CAMK2D: variants seen among roughly 807,000 people sequenced by gnomAD.
The protein encoded by CAMK2D is calcium/calmodulin dependent protein kinase II delta.
In CAMK2D, 37 loss-of-function variants were observed where a neutral mutation model predicts 84.0. The ratio of observed to expected loss-of-function variants is 0.44; its 90% CI spans 0.34 to 0.58. The LOEUF (loss-of-function observed/expected upper bound fraction) is 0.58, where lower values mean the gene tolerates loss of function less well. CAMK2D is among the 20% of genes least tolerant of loss of function. The pLI is 0.02. For synonymous variants in CAMK2D, 202 were observed against 212.5 expected (o/e 0.95, Z 0.43); for missense variants, 448 against 652.5 (o/e 0.69, Z 3.41).
intron 3 of CAMK2D, among the ~76,000 whole-genome samples, chr4:113,648,361 T>A (rs17593100): frequency 6.6e-6 from 1 of 152,190 alleles, no homozygotes; most frequent in Non-Finnish European, 1.5e-5. Flanking sequence ...AGCATTTTCA[T>A]CATTCTGTCT....
intron 18 of CAMK2D, among the ~76,000 whole-genome samples, chr4:113,459,176 C>A (rs1210489411): frequency 6.6e-6 from 1 of 152,020 alleles, no homozygotes; most frequent in Non-Finnish European, 1.5e-5. Flanking sequence ...AATATTTTGG[C>A]ATGGTGTGGT....
rs2099641398 is a variant in CAMK2D at position 113,761,531 on chromosome 4, G to A, written c.-463C>T. Reference sequence around the variant, plus strand: ...CGGAGGTGGAGTGCAGCGGGGCCGAGGCCGCGGAGCCCAGAGCGGACAGCC... The same window carrying A: ...CGGAGGTGGAGTGCAGCGGGGCCGAAGCCGCGGAGCCCAGAGCGGACAGCC... On this transcript the variant is annotated 5_prime_UTR_variant, in exon 1 of 21. Transcript: ENST00000511664. 4 of 1,004,770 alleles carry A rather than the reference G, an allele frequency of 4.0e-6. No homozygotes were observed. The highest frequency in any genetic ancestry group is 4.1e-5 in the South Asian group (1 of 24,164). The allele number at this position is 1,004,770 out of a possible 1,614,324, so 62.2% of individuals were successfully genotyped here.
chr4:113,598,177 GAACA>G (rs1389436493), intron 4 of CAMK2D, among the ~76,000 whole-genome samples: 2 of 152,072 alleles, frequency 1.3e-5, no homozygotes, highest in Non-Finnish European at 1.5e-5. Context: ...ATTGGCAAAA[GAACA>G]AACAAAGAGA....
chr4:113,521,254 C>G (rs2098355021), intron 8 of CAMK2D, among the ~76,000 whole-genome samples: 1 of 152,082 alleles, frequency 6.6e-6, no homozygotes, highest in African/African-American at 2.4e-5. Flanking sequence ...ATTATCAATT[C>G]CTGGATTTAA....
chr4:113,473,223 G>T (rs2097567918), intron 16 of CAMK2D, among the ~76,000 whole-genome samples: 1 of 152,128 alleles, frequency 6.6e-6, no homozygotes, highest in Non-Finnish European at 1.5e-5. Context: ...TGGTTTTATT[G>T]TCTTTTTCCA....
intron 2 of CAMK2D, among the ~76,000 whole-genome samples, chr4:113,665,262 G>A (rs981971106): frequency 6.6e-6 from 1 of 152,300 alleles, no homozygotes; most frequent in Middle Eastern, 3.4e-3. Flanking sequence ...CAAACATGAT[G>A]ATATAAGTAA....
chr4:113,728,973 C>T (rs1020712418), intron 2 of CAMK2D, among the ~76,000 whole-genome samples: 1 of 152,092 alleles, frequency 6.6e-6, no homozygotes, highest in African/African-American at 2.4e-5. Context: ...TAATTTCTTG[C>T]CACAGTAGTT....
chr4:113,488,581 G>A (rs1184707181), intron 16 of CAMK2D, among the ~76,000 whole-genome samples: 2 of 152,154 alleles, frequency 1.3e-5, no homozygotes, highest in Admixed American at 1.3e-4. Context: ...CTGATTGATA[G>A]CTCAATCAAA....
chr4:113,693,997 A>C (rs920855360), intron 2 of CAMK2D, among the ~76,000 whole-genome samples: 1 of 152,134 alleles, frequency 6.6e-6, no homozygotes, highest in African/African-American at 2.4e-5. Context: ...CCAAGCAAAA[A>C]CCAAAACACT....
intron 14 of CAMK2D, among the ~76,000 whole-genome samples, chr4:113,504,737 C>T (rs540168038): frequency 2.7e-5 from 4 of 150,030 alleles, no homozygotes; most frequent in South Asian, 4.2e-4. Context: ...TGTTCAACAA[C>T]GAAATGAGAT....
intron 3 of CAMK2D, among the ~76,000 whole-genome samples, chr4:113,647,841 T>C (rs2099157828): frequency 6.6e-6 from 1 of 152,202 alleles, no homozygotes; most frequent in Non-Finnish European, 1.5e-5. Flanking sequence ...CAGATTTATA[T>C]AAGAAATATC....
At chr4:113,755,649 T>C (rs1331432067) in intron 2 of CAMK2D, among the ~76,000 whole-genome samples, 1 of 149,992 alleles carries the variant, frequency 6.7e-6, no homozygotes, top group Non-Finnish European at 1.5e-5. Context: ...TTCTAAATTA[T>C]CTGCCATCAG....
intron 4 of CAMK2D, among the ~76,000 whole-genome samples, chr4:113,590,262 G>C (rs2098861415): frequency 2.0e-5 from 3 of 152,144 alleles, no homozygotes; most frequent in Admixed American, 2.0e-4. Flanking sequence ...TATAGATAGA[G>C]ATCTATCTGA....
At chr4:113,466,430 AGAT>A (rs932333401) in intron 16 of CAMK2D, among the ~76,000 whole-genome samples, 14 of 152,290 alleles carry the variant, frequency 9.2e-5, no homozygotes, top group African/African-American at 3.1e-4. Context: ...TTCAGAGTAA[AGAT>A]GATATCTTGC....
intron 3 of CAMK2D, among the ~76,000 whole-genome samples, chr4:113,654,560 G>A (rs1208011293): frequency 1.3e-5 from 2 of 151,840 alleles, no homozygotes; most frequent in Non-Finnish European, 2.9e-5. Flanking sequence ...GTGAGGGGAG[G>A]AATCGATTTG....
chr4:113,761,315 C>G lies in CAMK2D; in HGVS notation c.-247G>C, dbSNP rs528271268. On this transcript the variant is annotated 5_prime_UTR_variant, in exon 1 of 21. Coordinates refer to ENST00000511664, the MANE Select transcript of CAMK2D (RefSeq NM_001321571.2). ...CTCCTCCTCCTGCGGGCCTCGCTTC[C>G]TTCTTCTCCACTGGACGCTCCACCC... 1.4e-4 allele frequency: 194 copies of G among 1,415,128 alleles called. 1 individual carries two copies. The East Asian group carries it at 2.9e-3, about 21-fold the overall frequency. The allele number at this position is 1,415,128 out of a possible 1,614,324, so 87.7% of individuals were successfully genotyped here.
chr4:113,521,438 T>C (rs1223514812), intron 8 of CAMK2D, among the ~76,000 whole-genome samples: 1 of 152,192 alleles, frequency 6.6e-6, no homozygotes, highest in African/African-American at 2.4e-5. Context: ...ATCATCTTGC[T>C]TTTTTCCTGT....
intron 13 of CAMK2D, among the ~76,000 whole-genome samples, chr4:113,507,424 T>G (rs1240841262): frequency 7.9e-6 from 1 of 127,304 alleles, no homozygotes; most frequent in African/African-American, 3.0e-5. Context: ...TAATTTCTGT[T>G]TTTTGTTTGT....
intron 16 of CAMK2D, among the ~76,000 whole-genome samples, chr4:113,476,699 A>AAACTAG (rs1044662544): frequency 2.0e-5 from 3 of 152,222 alleles, no homozygotes; most frequent in African/African-American, 7.2e-5. Context: ...CTTACTGATC[A>AAACTAG]GGAGTCATGT....
Sources: allele counts gnomAD v4.1 joint callset (sites outside exome capture counted in the v4.1 genomes callset), GRCh38; gene constraint gnomAD v4.1.1; transcripts MANE v1.5; gene names NCBI Gene and HGNC (gene_info 2026-07-23, HGNC 2026-07-21).